Variants in HUNK observed in about 807,000 individuals in gnomAD.
HUNK encodes hormonally up-regulated neu tumor-associated kinase.
In HUNK, 21 loss-of-function variants were observed where a neutral mutation model predicts 61.0. The ratio of observed to expected loss-of-function variants is 0.34; its 90% CI spans 0.24 to 0.50. The LOEUF (loss-of-function observed/expected upper bound fraction) is 0.50. Ranked by LOEUF, HUNK falls within the 20% of genes least tolerant of loss-of-function variation. HUNK has a pLI of 0.98. For synonymous variants in HUNK, 371 were observed against 386.1 expected (o/e 0.96, Z 0.46); for missense variants, 772 against 945.7 (o/e 0.82, Z 2.41).
chr21:31,952,205 CTT>C (rs11284285), intron 4 of HUNK, among the ~76,000 whole-genome samples: 18 of 147,868 alleles, frequency 1.2e-4, no homozygotes, highest in East Asian at 2.0e-4. Flanking sequence ...AGTCTACTTT[CTT>C]TTTTTTTTTT....
At chr21:31,879,556 G>C (rs150160427) in intron 1 of HUNK, among the ~76,000 whole-genome samples, 2 of 152,140 alleles carry the variant, frequency 1.3e-5, no homozygotes, top group Non-Finnish European at 1.5e-5. Context: ...CGGTGCCCAC[G>C]GAGAGGAGTA....
At chr21:31,954,957 A>AT (rs1568933846) in intron 4 of HUNK, among the ~76,000 whole-genome samples, 8 of 151,750 alleles carry the variant, frequency 5.3e-5, no homozygotes, top group East Asian at 1.9e-4. Flanking sequence ...TAATTTTGGT[A>AT]TTTTTTGTAG....
chr21:31,940,611 C>A (rs2052762668), intron 3 of HUNK, among the ~76,000 whole-genome samples: 1 of 152,168 alleles, frequency 6.6e-6, no homozygotes. Context: ...CTTTTTAATA[C>A]AATCTTTATT....
chr21:31,885,184 T>C (rs756642290), intron 1 of HUNK, among the ~76,000 whole-genome samples: 1 of 152,154 alleles, frequency 6.6e-6, no homozygotes, highest in Non-Finnish European at 1.5e-5. Context: ...AAAGGGGGAA[T>C]ATCGAGGGAA....
intron 1 of HUNK, among the ~76,000 whole-genome samples, chr21:31,922,042 G>A (rs1172286576): frequency 2.0e-5 from 3 of 152,110 alleles, no homozygotes; most frequent in Admixed American, 1.3e-4. Flanking sequence ...TTGAGATGGA[G>A]TTTTGTTCTT....
chr21:31,934,092 T>C (rs2123823667), intron 2 of HUNK, among the ~76,000 whole-genome samples: 1 of 151,758 alleles, frequency 6.6e-6, no homozygotes, highest in Middle Eastern at 3.4e-3. Flanking sequence ...CACAAGGAGG[T>C]TTTCTGATAG....
At chr21:31,967,769 T>A (rs963750680) in intron 5 of HUNK, among the ~76,000 whole-genome samples, 2 of 152,188 alleles carry the variant, frequency 1.3e-5, no homozygotes, top group Admixed American at 6.5e-5. Context: ...CACTTCTGGC[T>A]TCTCCCTGAG....
Position 31,924,695 on chromosome 21 carries a change from C to T in HUNK, c.489C>T (p.Ala163=). The stretch of plus-strand genomic sequence containing the variant: ...AGAAGCGGCTGGAGGAGTCCGAAGC[C>T]CGCAGATACATCCGACAGCTCATCT... The part of the protein sequence containing the change: ...YEKKRLEESE[A]RRYIRQLISA... Residue 163 remains alanine, a synonymous_variant, in exon 2 of 11, where the codon GCC becomes GCT. Transcript: ENST00000270112. The surrounding 1 kb of genome is among the most constrained non-coding windows in gnomAD (Gnocchi z 5.1). 6.2e-7 allele frequency: 1 copy of T among 1,614,032 alleles called. No homozygotes were observed. Among genetic ancestry groups the T allele is most frequent in the Non-Finnish European group, 8.5e-7 (1 of 1,180,014 alleles).
intron 1 of HUNK, among the ~76,000 whole-genome samples, chr21:31,903,320 A>ATTC (rs1267360464): frequency 6.6e-6 from 1 of 152,210 alleles, no homozygotes; most frequent in Non-Finnish European, 1.5e-5. Context: ...AGTCGATGAT[A>ATTC]TTCTGCTCTC....
intron 8 of HUNK, among the ~76,000 whole-genome samples, chr21:31,987,558 T>C (rs918097141): frequency 6.6e-6 from 1 of 152,232 alleles, no homozygotes; most frequent in African/African-American, 2.4e-5. Context: ...TTTTCTGTGT[T>C]ATTTCCTCTG....
intron 6 of HUNK, among the ~76,000 whole-genome samples, chr21:31,969,075 A>T (rs939688098): frequency 6.6e-6 from 1 of 151,506 alleles, no homozygotes; most frequent in African/African-American, 2.4e-5. Flanking sequence ...ACGGGGTTTC[A>T]CCTCTTGCCC....
intron 5 of HUNK, among the ~76,000 whole-genome samples, chr21:31,966,964 A>G (rs1225662782): frequency 6.6e-6 from 1 of 152,150 alleles, no homozygotes; most frequent in Admixed American, 6.5e-5. Flanking sequence ...AGCAAGACAG[A>G]CCGTCTGCAT....
chr21:31,874,717 A>C (rs2052247131), intron 1 of HUNK, among the ~76,000 whole-genome samples: 1 of 151,906 alleles, frequency 6.6e-6, no homozygotes, highest in South Asian at 2.1e-4. Context: ...GCAGGAACAG[A>C]ACTACAGATA....
At chr21:31,928,605 AT>A (rs1002126674) in intron 2 of HUNK, among the ~76,000 whole-genome samples, 11 of 152,128 alleles carry the variant, frequency 7.2e-5, no homozygotes, top group Non-Finnish European at 1.2e-4. Flanking sequence ...ATTTAGGAAG[AT>A]TTTTTTCACT....
intron 6 of HUNK, among the ~76,000 whole-genome samples, chr21:31,973,869 G>A (rs1259950826): frequency 1.3e-5 from 2 of 152,074 alleles, no homozygotes; most frequent in South Asian, 2.1e-4. Context: ...AATGAAGCCC[G>A]GTATTTCTTT....
intron 7 of HUNK, among the ~76,000 whole-genome samples, chr21:31,975,091 C>T (rs1435027885): frequency 2.6e-5 from 4 of 151,886 alleles, no homozygotes; most frequent in Non-Finnish European, 5.9e-5. Context: ...GGTAGCAGTG[C>T]CTCCCGGGCA....
intron 1 of HUNK, among the ~76,000 whole-genome samples, chr21:31,898,632 C>T (rs534048562): frequency 2.6e-5 from 4 of 152,228 alleles, no homozygotes; most frequent in African/African-American, 4.8e-5. Context: ...CTTTTCTTCT[C>T]GACCCTGGAG....
intron 1 of HUNK, among the ~76,000 whole-genome samples, chr21:31,909,597 G>C (rs2052532094): frequency 1.3e-5 from 2 of 152,192 alleles, no homozygotes; most frequent in Non-Finnish European, 2.9e-5. Flanking sequence ...GCAGCAGGAG[G>C]GTGGCCAGTG....
rs569860097 is a variant in HUNK, at chr21:31,922,162, G to A, written c.262-2306G>A. Among the ~76,000 whole-genome samples, 523 of 142,600 alleles carry A rather than the reference G, an allele frequency of 3.7e-3. 1 individual carries two copies. The highest frequency in any genetic ancestry group is 0.012 in the African/African-American group (452 of 38,524). 93.6% of individuals were successfully genotyped at this position (142,600 alleles called of 152,430 possible). A position where few individuals can be genotyped will look rare whatever the true frequency, so the allele number is the denominator to read the frequency against. On this transcript the variant is annotated intron_variant, in intron 1 of 10. Coordinates refer to ENST00000270112, the MANE Select transcript of HUNK (RefSeq NM_014586.2). ...CTCCTGAGTAGCTGGGATTCCAGGC[G>A]TCCACCACCACACCCAGCTAATTTT...
Sources: gnomAD v4.1 joint callset for allele counts (sites outside exome capture counted in the v4.1 genomes callset) on GRCh38, gnomAD v4.1.1 for gene constraint, Gnocchi (gnomAD v3.1) non-coding constraint, MANE v1.5 for transcripts, NCBI Gene and HGNC (gene_info 2026-07-23, HGNC 2026-07-21) for gene names.